Variants in FBXL2 observed in about 807,000 individuals in gnomAD.
FBXL2 encodes F-box/LRR-repeat protein 2.
Under a neutral mutation model 69.2 loss-of-function variants are expected in FBXL2, and 38 were observed. The observed-to-expected ratio is 0.55, with a 90% CI of 0.42 to 0.72. FBXL2 has a LOEUF of 0.72. Ranked by LOEUF, FBXL2 falls within the 30% of genes least tolerant of loss-of-function variation. The pLI, the probability that FBXL2 is intolerant of heterozygous loss-of-function variation, is 0.00. For missense variants in FBXL2, 354 were observed against 520.3 expected (o/e 0.68, Z 3.11); for synonymous variants, 192 against 201.3 (o/e 0.95, Z 0.39).
At chr3:33,282,253 C>T (rs1411037531) in intron 1 of FBXL2, among the ~76,000 whole-genome samples, 2 of 152,116 alleles carry the variant, frequency 1.3e-5, no homozygotes, top group African/African-American at 2.4e-5. Flanking sequence ...CCAGTTTCAG[C>T]TTTCTATATA....
downstream of FBXL2, among the ~76,000 whole-genome samples, chr3:33,404,792 A>G (rs887971632): frequency 6.6e-6 from 1 of 152,232 alleles, no homozygotes; most frequent in Non-Finnish European, 1.5e-5. Flanking sequence ...AGTAGATCAC[A>G]TAAAAATGTC....
chr3:33,335,189 C>CTTTTATTTTA (rs2039483213), intron 2 of FBXL2, among the ~76,000 whole-genome samples: 1 of 151,486 alleles, frequency 6.6e-6, no homozygotes, highest in Admixed American at 6.6e-5. Context: ...TCAAAATTCT[C>CTTTTATTTTA]TTCTAAAAAT....
chr3:33,279,558 G>T (rs917094644), intron 1 of FBXL2, among the ~76,000 whole-genome samples: 6 of 152,154 alleles, frequency 3.9e-5, no homozygotes, highest in Non-Finnish European at 7.3e-5. Context: ...GAGCCACCAT[G>T]CCTGGCCCCC....
At chr3:33,289,649 T>A (rs1575087351) in intron 1 of FBXL2, 1 of 476,190 alleles carries the variant, frequency 2.1e-6, no homozygotes. Flanking sequence ...TAGGCTGGAG[T>A]GACAGTTTGG....
At chr3:33,308,973 A>G (rs1240144420) in intron 2 of FBXL2, among the ~76,000 whole-genome samples, 8 of 152,216 alleles carry the variant, frequency 5.3e-5, no homozygotes, top group Non-Finnish European at 7.3e-5. Context: ...AAATTAGTCA[A>G]GACTTACTTG....
chr3:33,372,966 C>G lies in FBXL2; in HGVS notation c.291-126C>G, dbSNP rs2042388445. ...CAGAATCTGCACTGTGACAAGAACC[C>G]TAGCTGATTGTTACGCGCTTTAATT... On this transcript the variant is annotated intron_variant, in intron 5 of 14. Transcript: ENST00000484457. 8.7e-6 allele frequency: 7 copies of G among 807,910 alleles called. No individual in the cohort carries two copies. The South Asian group carries it at 1.0e-4, about 12-fold the overall frequency. The allele number at this position is 807,910 out of a possible 1,614,324, so 50.0% of individuals were successfully genotyped here.
chr3:33,390,323 A>T, downstream of FBXL2: 2 of 1,613,866 alleles, frequency 1.2e-6, no homozygotes, highest in Non-Finnish European at 1.7e-6. Flanking sequence ...TTCAGTCTAT[A>T]TAAGACATCA....
At chr3:33,402,856 A>T in intron 12 of FBXL2, 1 of 1,610,108 alleles carries the variant, frequency 6.2e-7, no homozygotes, top group Non-Finnish European at 8.5e-7. Context: ...GGCGCTGGGG[A>T]AGGGCTGTTA....
In FBXL2 at chr3:33,375,317, A is replaced by C; in HGVS notation, c.687A>C (p.Ile229=). The C allele has an allele frequency of 6.2e-7, 1 of 1,614,220 alleles. No homozygotes were observed. The highest frequency in any genetic ancestry group is 8.5e-7 in the Non-Finnish European group (1 of 1,180,034). Residue 229 remains isoleucine, a synonymous_variant, in exon 10 of 15, where the codon ATA becomes ATC. Transcript: ENST00000484457. ...TCACGGATGAAGGTGTGGTGCAGAT[A>C]TGCAGGGGCTGTCACCGGCTACAGG... is the stretch of plus-strand genomic sequence containing the variant. The part of the protein sequence containing the change: ...SRITDEGVVQ[I]CRGCHRLQAL...
chr3:33,400,178 C>T, intron 12 of FBXL2: 1 of 1,549,084 alleles, frequency 6.5e-7, no homozygotes, highest in Non-Finnish European at 8.7e-7. Context: ...TACACACACA[C>T]ATACACATAC....
chr3:33,385,306 C>T (rs536746976), intron 14 of FBXL2, among the ~76,000 whole-genome samples, 195 bp from the exon 15 acceptor site: 1 of 152,262 alleles, frequency 6.6e-6, no homozygotes, highest in South Asian at 2.1e-4. Flanking sequence ...TAAGTGTTTT[C>T]ACTTATCCTT....
chr3:33,312,763 C>T (rs868638156), intron 2 of FBXL2, among the ~76,000 whole-genome samples: 6 of 151,894 alleles, frequency 4.0e-5, no homozygotes, highest in African/African-American at 1.5e-4. Flanking sequence ...GCCAGACTGA[C>T]TAGGAGGAAA....
chr3:33,389,029 C>A (rs900546568), downstream of FBXL2: 1 of 152,442 alleles, frequency 6.6e-6, no homozygotes, highest in Non-Finnish European at 1.5e-5. Context: ...CAGTCCCCTA[C>A]ACCACAGGCC....
chr3:33,290,265 C>G (rs1019008158), intron 1 of FBXL2, among the ~76,000 whole-genome samples: 2 of 152,204 alleles, frequency 1.3e-5, no homozygotes, highest in Non-Finnish European at 2.9e-5. Flanking sequence ...ATCTCAAACC[C>G]AGCTCAACTA....
intron 5 of FBXL2, among the ~76,000 whole-genome samples, chr3:33,366,621 A>C (rs1235787534): frequency 6.6e-6 from 1 of 152,144 alleles, no homozygotes; most frequent in Non-Finnish European, 1.5e-5. Context: ...CTATGATCAC[A>C]CCACCATACT....
Position 33,362,375 on chromosome 3 carries a change from G to T in FBXL2, c.196-2250G>T, listed in dbSNP as rs142052209. On this transcript the variant is annotated intron_variant, in intron 4 of 14. Coordinates refer to ENST00000484457, the MANE Select transcript of FBXL2 (RefSeq NM_012157.5). ...CCAGGGGTCTTTAGCCCATTTTAGG[G>T]CTTATTTTTCTCTAAAGCCCTTCAT... Among the ~76,000 whole-genome samples the T allele has an allele frequency of 5.8e-4, 89 of 152,274 alleles. 1 individual carries two copies. In the South Asian group the frequency reaches 7.7e-3, roughly 13 times the overall value.
chr3:33,392,352 A>ATT, downstream of FBXL2: 1 of 469,090 alleles, frequency 2.1e-6, no homozygotes, highest in Non-Finnish European at 3.7e-6. Flanking sequence ...ATGAATTGAG[A>ATT]TTTTTTTTTC....
intron 4 of FBXL2, among the ~76,000 whole-genome samples, chr3:33,359,818 T>C (rs1198080773): frequency 6.6e-6 from 1 of 152,214 alleles, no homozygotes; most frequent in Non-Finnish European, 1.5e-5. Context: ...TATTCTGTTT[T>C]ATTATCTATA....
Position 33,384,047 on chromosome 3 carries a change from C to T in FBXL2, c.1010C>T (p.Thr337Ile), listed in dbSNP as rs1194402543. 5 of 1,614,012 alleles carry T rather than the reference C, an allele frequency of 3.1e-6. No individual in the cohort carries two copies. In the African/African-American group the frequency reaches 5.3e-5, roughly 17 times the overall value. The change falls in exon 14 of 15, where the codon ACC becomes ATC. Residue 337 changes from threonine to isoleucine, a missense_variant. Physicochemically the swap from Thr to Ile is moderately conservative, Grantham distance 89 (BLOSUM62 -1). Transcript: ENST00000484457. ...DDGILHLSNS[T>I]CGHERLRVLE... ...GGGATCCTGCACCTGAGCAACAGTA[C>T]CTGTGGCCATGAGAGGCTGCGGGTA...
Sources: allele counts gnomAD v4.1 joint callset (sites outside exome capture counted in the v4.1 genomes callset), GRCh38; gene constraint gnomAD v4.1.1; transcripts MANE v1.5; gene names NCBI Gene and HGNC (gene_info 2026-07-23, HGNC 2026-07-21).